VPS35L: variants seen among roughly 807,000 people sequenced by gnomAD.
The protein encoded by VPS35L is VPS35 endosomal protein-sorting factor-like.
A neutral mutation model predicts 133.0 loss-of-function variants in VPS35L; 83 were observed. The ratio of observed to expected loss-of-function variants is 0.62; its 90% CI spans 0.52 to 0.75. VPS35L has a LOEUF of 0.75. Among genes scored for constraint, VPS35L ranks in the 30% least tolerant of loss-of-function variants. The pLI, the probability that VPS35L is intolerant of heterozygous loss-of-function variation, is 0.00. For synonymous variants in VPS35L, 423 were observed against 449.9 expected (o/e 0.94, Z 0.76); for missense variants, 1,083 against 1,206.8 (o/e 0.90, Z 1.52).
intron 7 of VPS35L, among the ~76,000 whole-genome samples, chr16:19,585,406 C>CTTTTTTTTTTTTTTTTTTTTTTTTT (rs201727936): frequency 7.2e-6 from 1 of 138,124 alleles, no homozygotes. Flanking sequence ...TTTCTTTTTT[C>CTTTTTTTTTTTTTTTTTTTTTTTTT]TTTTTTTTTT....
intron 23 of VPS35L, among the ~76,000 whole-genome samples, chr16:19,645,643 C>T (rs2151581836): frequency 6.6e-6 from 1 of 152,272 alleles, no homozygotes; most frequent in Admixed American, 6.5e-5. Flanking sequence ...CTCAGCTGGG[C>T]TTGCCCCACC....
intron 5 of VPS35L, chr16:19,578,730 G>T (rs1597322795): frequency 1.1e-5 from 4 of 356,188 alleles, no homozygotes; most frequent in Non-Finnish European, 2.1e-5. Flanking sequence ...TTAGATGACG[G>T]ATTTTTGGCA....
rs1272168644 is a variant in VPS35L at position 19,639,061 on chromosome 16, G to A, written c.1699-954G>A. Among the ~76,000 whole-genome samples the A allele has an allele frequency of 5.3e-5, 8 of 152,140 alleles. No individual in the cohort carries two copies. Among genetic ancestry groups the A allele is most frequent in the African/African-American group, 7.2e-5 (3 of 41,438 alleles). On this transcript the variant is annotated intron_variant, in intron 20 of 30. Coordinates refer to ENST00000417362, the MANE Select transcript of VPS35L (RefSeq NM_020314.7). The surrounding 1 kb of genome is among the most constrained non-coding windows in gnomAD (Gnocchi z 4.1). ...GGCACTCGAGCCTAGACAACAGAGC[G>A]AAACTCTGTTTCAAACAAATAAAAT...
At chr16:19,638,004 T>C (rs1973673377) in intron 20 of VPS35L, among the ~76,000 whole-genome samples, 1 of 152,204 alleles carries the variant, frequency 6.6e-6, no homozygotes. Context: ...ACTTGCTTTT[T>C]AATCACACAG....
At chr16:19,655,498 TC>T (rs1457216784) in intron 26 of VPS35L, among the ~76,000 whole-genome samples, 1 of 152,194 alleles carries the variant, frequency 6.6e-6, no homozygotes, top group Non-Finnish European at 1.5e-5. Context: ...TTTTGTTGCC[TC>T]CCTTAATCCG....
chr16:19,567,211 A>G (rs1463640809), intron 2 of VPS35L, among the ~76,000 whole-genome samples: 1 of 152,214 alleles, frequency 6.6e-6, no homozygotes, highest in Non-Finnish European at 1.5e-5. Context: ...AACTTGATTT[A>G]ACACCCATAC....
rs899445910 is a variant in VPS35L at position 19,599,516 on chromosome 16, T to G, written c.725-2148T>G. 2.6e-5 allele frequency among the ~76,000 whole-genome samples: 4 copies of G among 151,226 alleles called. 1 individual carries two copies. Among genetic ancestry groups the G allele is most frequent in the Admixed American group, 2.6e-4 (4 of 15,124 alleles). ...AAGGTTATTCAGAAATCCATATTCC[T>G]AGTCCTCATCCTCCAAAATACTTTT... On this transcript the variant is annotated intron_variant, in intron 8 of 30. Coordinates refer to ENST00000417362, the MANE Select transcript of VPS35L (RefSeq NM_020314.7).
rs1976050821 is a variant in VPS35L at position 19,699,798 on chromosome 16, G to C, written c.2793+150G>C. On this transcript the variant is annotated intron_variant, in intron 30 of 30. Coordinates refer to ENST00000417362, the MANE Select transcript of VPS35L (RefSeq NM_020314.7). This position sits in a 1 kb window ranked among gnomAD's most constrained non-coding sequence, Gnocchi z 4.2. The stretch of plus-strand genomic sequence containing the variant: ...TCCATTTCTACTGGATCACTTCCTA[G>C]CAGTAAAAAGCAGAGCTGGCCAGGT... The C allele has an allele frequency of 4.7e-6, 5 of 1,062,524 alleles. No homozygotes were observed. The highest frequency in any genetic ancestry group is 6.7e-6 in the Non-Finnish European group (5 of 749,222). The allele number at this position is 1,062,524 out of a possible 1,614,324, so 65.8% of individuals were successfully genotyped here.
intron 16 of VPS35L, among the ~76,000 whole-genome samples, chr16:19,628,127 G>A (rs1973327871): frequency 6.6e-6 from 1 of 152,142 alleles, no homozygotes; most frequent in South Asian, 2.1e-4. Flanking sequence ...TCACTTGGGA[G>A]GCCAGGGCAG....
chr16:19,595,677 A>G (rs537187506), intron 8 of VPS35L, among the ~76,000 whole-genome samples: 50 of 152,040 alleles, frequency 3.3e-4, no homozygotes, highest in Non-Finnish European at 5.6e-4. Context: ...CTGGGCAGCC[A>G]CTCTGCCAGC....
chr16:19,680,465 G>A (rs549175822), intron 27 of VPS35L, among the ~76,000 whole-genome samples: 1 of 152,286 alleles, frequency 6.6e-6, no homozygotes, highest in Non-Finnish European at 1.5e-5. Context: ...ACCTGGCGGT[G>A]TATTGGCAAA....
Position 19,691,376 on chromosome 16 carries a change from G to A in VPS35L, c.2551G>A (p.Gly851Arg), listed in dbSNP as rs529462508. 4.2e-5 allele frequency: 67 copies of A among 1,613,580 alleles called. No homozygotes were observed. Among genetic ancestry groups the A allele is most frequent in the East Asian group, 2.2e-4 (10 of 44,848 alleles). ...DKVDSNDSLYGGDSKFLAENN... is the reference protein window; with the variant it reads ...DKVDSNDSLYRGDSKFLAENN... ...AGTGGACTCCAACGACAGCCTCTAC[G>A]GGGGAGACTCCAAGTTCCTGGCAGA... is the stretch of plus-strand genomic sequence containing the variant. Residue 851 changes from glycine to arginine, a missense_variant, in exon 29 of 31, where the codon GGG (glycine) becomes AGG (arginine). Physicochemically the swap from Gly to Arg is moderately radical, Grantham distance 125. Transcript: ENST00000417362.
In VPS35L at chr16:19,628,714, C is replaced by T. The variant is rs778328384; in HGVS notation, c.1461C>T (p.Asn487=). Residue 487 remains asparagine (N), a synonymous_variant, in exon 17 of 31, where the codon AAC becomes AAT. Coordinates refer to ENST00000417362, the MANE Select transcript of VPS35L (RefSeq NM_020314.7). Reference sequence around the variant, plus strand: ...AGAGTGACCGACTTCAGATTCTCAACGAAGCTTGGAAAGTCATCACTAAGC... The same window carrying T: ...AGAGTGACCGACTTCAGATTCTCAATGAAGCTTGGAAAGTCATCACTAAGC... ...PPESDRLQIL[N]EAWKVITKLK... is the part of the protein sequence containing the mutation. 9.4e-6 allele frequency: 15 copies of T among 1,595,504 alleles called. No individual in the cohort carries two copies. The highest frequency in any genetic ancestry group is 1.2e-5 in the Non-Finnish European group (14 of 1,168,272).
chr16:19,646,594 G>A (rs993002538), intron 23 of VPS35L, among the ~76,000 whole-genome samples: 5 of 152,048 alleles, frequency 3.3e-5, no homozygotes, highest in African/African-American at 1.2e-4. Flanking sequence ...GAACCCGGGA[G>A]GCAGAGGTTG....
At chr16:19,579,225 T>G in intron 6 of VPS35L, 97 bp downstream of exon 6, 1 of 1,127,320 alleles carries the variant, frequency 8.9e-7, no homozygotes, top group Non-Finnish European at 1.3e-6. Context: ...GATTAATTCC[T>G]GGGCTGCGCA....
rs375768997 is a variant in VPS35L at position 19,663,546 on chromosome 16, C to T, written c.2222-5614C>T. 3.2e-3 allele frequency among the ~76,000 whole-genome samples: 481 copies of T among 149,984 alleles called. 5 individuals are homozygous for T. Among genetic ancestry groups the T allele is most frequent in the African/African-American group, 0.01 (410 of 40,760 alleles). ...TTTTTTCCCCCGCCACCCTCCCCCC[C>T]GATTTTTTGTATGTAATATGTCATA... On this transcript the variant is annotated intron_variant, in intron 26 of 30. Transcript: ENST00000417362.
At chr16:19,666,877 TTTCTTTC>T (rs1974682452) in intron 26 of VPS35L, among the ~76,000 whole-genome samples, 2 of 77,678 alleles carry the variant, frequency 2.6e-5, no homozygotes, top group South Asian at 1.2e-3. Context: ...CATGTTTTTC[TTTCTTTC>T]TTTCTTTCTT....
At chr16:19,603,834 C>T (rs563188530) in intron 9 of VPS35L, among the ~76,000 whole-genome samples, 4 of 152,256 alleles carry the variant, frequency 2.6e-5, no homozygotes, top group Admixed American at 6.5e-5. Flanking sequence ...TGGGTTCAAG[C>T]GATTCTCCTG....
intron 26 of VPS35L, chr16:19,652,791 C>T (rs1162912555): frequency 6.6e-6 from 1 of 152,238 alleles, no homozygotes; most frequent in Non-Finnish European, 1.5e-5. Context: ...CAGAAACACA[C>T]AAGTACCATC....
Sources: gnomAD v4.1 joint callset for allele counts (sites outside exome capture counted in the v4.1 genomes callset) on GRCh38, gnomAD v4.1.1 for gene constraint, Gnocchi (gnomAD v3.1) non-coding constraint, MANE v1.5 for transcripts, NCBI Gene and HGNC (gene_info 2026-07-23, HGNC 2026-07-21) for gene names.